The following BCKDHB variants were observed in gnomAD, a reference collection of about 807,000 sequenced individuals.
BCKDHB encodes branched chain keto acid dehydrogenase E1 subunit beta, also known as 2-oxoisovalerate dehydrogenase subunit beta, mitochondrial.
A neutral mutation model predicts 48.5 loss-of-function variants in BCKDHB; 41 were observed. The observed-to-expected ratio is 0.85, with a 90% confidence interval of 0.66 to 1.10. The LOEUF (loss-of-function observed/expected upper bound fraction) is 1.10. BCKDHB is among the 50% of genes least tolerant of loss of function. The probability of loss-of-function intolerance (pLI) is 0.00; values close to 1 mark genes in which losing one functional copy is unlikely to be tolerated. For synonymous variants in BCKDHB, 201 were observed against 174.8 expected (o/e 1.15, Z -1.18); for missense variants, 496 against 494.2 (o/e 1.00, Z -0.03).
At chr6:80,247,343 A>G (rs1470009423) in intron 8 of BCKDHB, among the ~76,000 whole-genome samples, 4 of 152,266 alleles carry the variant, frequency 2.6e-5, no homozygotes, top group Non-Finnish European at 5.9e-5. Context: ...TTTCAAAAAT[A>G]TTATCCTGTT....
At position 80,315,378 on chromosome 6, in the gene BCKDHB, G is replaced by C. The variant is rs116619960; in HGVS notation, c.1039-28286G>C. ...TTCACTGCTTCCCTTAACTGGGGGT[G>C]GGGGTTCCCTTGACTACATGTCACT... On this transcript the variant is annotated intron_variant, in intron 9 of 9. Coordinates refer to ENST00000320393, the MANE Select transcript of BCKDHB (RefSeq NM_183050.4). Among the ~76,000 whole-genome samples, 1,239 of 152,182 alleles carry C rather than the reference G, an allele frequency of 8.1e-3. 21 individuals carry two copies. Among genetic ancestry groups the C allele is most frequent in the African/African-American group, 0.028 (1,169 of 41,522 alleles).
intron 3 of BCKDHB, among the ~76,000 whole-genome samples, chr6:80,161,254 A>G (rs961170586): frequency 4.0e-5 from 6 of 151,830 alleles, no homozygotes; most frequent in Non-Finnish European, 8.8e-5. Context: ...ATTTGGATGA[A>G]TGACTTAAAT....
chr6:80,200,137 G>A (rs555535355), intron 6 of BCKDHB, among the ~76,000 whole-genome samples: 3 of 148,660 alleles, frequency 2.0e-5, no homozygotes, highest in South Asian at 4.3e-4. Context: ...TATCAACTTC[G>A]TACTCAATTT....
At chr6:80,271,952 A>G (rs1444202378) in intron 8 of BCKDHB, among the ~76,000 whole-genome samples, 1 of 151,082 alleles carries the variant, frequency 6.6e-6, no homozygotes, top group Non-Finnish European at 1.5e-5. Flanking sequence ...TTGTCTTTTT[A>G]TATTTTTGTA....
At chr6:80,268,628 C>T (rs642943) in intron 8 of BCKDHB, among the ~76,000 whole-genome samples, 139,438 of 152,130 alleles carry the variant, frequency 0.92, 63,990 homozygotes, top group East Asian at 0.99. Flanking sequence ...ATAAAAAATA[C>T]AGATAGATGA....
intron 9 of BCKDHB, among the ~76,000 whole-genome samples, chr6:80,298,031 C>G (rs1477377626): frequency 1.3e-5 from 2 of 151,810 alleles, no homozygotes; most frequent in Admixed American, 1.3e-4. Context: ...TCAAGGAGTC[C>G]CAGGCTGTTA....
intron 8 of BCKDHB, among the ~76,000 whole-genome samples, chr6:80,266,985 C>A (rs1157124658): frequency 6.6e-6 from 1 of 151,888 alleles, no homozygotes; most frequent in Non-Finnish European, 1.5e-5. Flanking sequence ...ATAGAGACCA[C>A]CACCACCCCC....
intron 1 of BCKDHB, among the ~76,000 whole-genome samples, chr6:80,109,268 A>G (rs912910775): frequency 6.6e-6 from 1 of 152,200 alleles, no homozygotes; most frequent in Non-Finnish European, 1.5e-5. Context: ...TACATAAAAC[A>G]ATGTCTATAA....
At chr6:80,307,474 C>G (rs1320815662) in intron 9 of BCKDHB, 1 of 984,890 alleles carries the variant, frequency 1.0e-6, no homozygotes, top group African/African-American at 1.7e-5. Context: ...TTTTCTATTA[C>G]ATTTTTTTCA....
Position 80,344,076 on chromosome 6 carries a change from C to A in BCKDHB, c.*272C>A. 2.3e-6 allele frequency: 1 copy of A among 442,972 alleles called. No homozygotes were observed. Among genetic ancestry groups the A allele is most frequent in the Non-Finnish European group, 4.2e-6 (1 of 240,032 alleles). 27.4% of individuals were successfully genotyped at this position (442,972 alleles called of 1,614,324 possible). A position where few individuals can be genotyped will look rare whatever the true frequency, so the allele number is the denominator to read the frequency against. On this transcript the variant is annotated 3_prime_UTR_variant, in exon 10 of 10. Transcript: ENST00000320393. ...ACTGCAGTGGTGCAATCTCAGCTCACTGCAACCTCCCCCCTACCCCTGAGT... is the reference window on the plus strand; with the variant it reads ...ACTGCAGTGGTGCAATCTCAGCTCAATGCAACCTCCCCCCTACCCCTGAGT...
At chr6:80,121,761 C>T (rs62406049) in intron 1 of BCKDHB, among the ~76,000 whole-genome samples, 475 of 152,244 alleles carry the variant, frequency 3.1e-3, no homozygotes, top group Non-Finnish European at 5.2e-3. Context: ...TGGGCTGAGA[C>T]GATGGGGTTT....
At chr6:80,109,544 T>C (rs184663010) in intron 1 of BCKDHB, among the ~76,000 whole-genome samples, 82 of 152,334 alleles carry the variant, frequency 5.4e-4, no homozygotes, top group African/African-American at 1.9e-3. Flanking sequence ...GTATTGGATA[T>C]TAATGCTAAA....
intron 9 of BCKDHB, among the ~76,000 whole-genome samples, chr6:80,280,473 A>AACAC (rs971789675): frequency 8.3e-4 from 127 of 152,310 alleles, no homozygotes; most frequent in African/African-American, 2.7e-3. Flanking sequence ...CATTTTGGTC[A>AACAC]ACAATGGACC....
the BCKDHB span, among the ~76,000 whole-genome samples, chr6:80,400,318 T>C: frequency 1.3e-5 from 2 of 151,992 alleles, no homozygotes; most frequent in Non-Finnish European, 2.9e-5. Flanking sequence ...TTGCGTACTA[T>C]GCATCTGACA....
At chr6:80,313,479 G>C (rs184019455) in intron 9 of BCKDHB, among the ~76,000 whole-genome samples, 1 of 152,144 alleles carries the variant, frequency 6.6e-6, no homozygotes, top group African/African-American at 2.4e-5. Context: ...TCCTGCCTCA[G>C]CCTCCCGAGT....
intron 6 of BCKDHB, among the ~76,000 whole-genome samples, chr6:80,186,400 A>G (rs960543384): frequency 8.5e-5 from 13 of 152,152 alleles, no homozygotes; most frequent in African/African-American, 2.7e-4. Context: ...AGCAAGGCCA[A>G]TCTCACTCCT....
At chr6:80,306,365 T>C (rs1767876708) in intron 9 of BCKDHB, among the ~76,000 whole-genome samples, 1 of 152,164 alleles carries the variant, frequency 6.6e-6, no homozygotes, top group South Asian at 2.1e-4. Flanking sequence ...ATTAGGGAGA[T>C]ATTTTTCAAT....
intron 1 of BCKDHB, among the ~76,000 whole-genome samples, chr6:80,107,267 G>C (rs939594337): frequency 1.4e-5 from 2 of 146,090 alleles, no homozygotes; most frequent in African/African-American, 5.0e-5. Flanking sequence ...TGGGCCACTA[G>C]CTTAGGTAGA....
At chr6:80,334,346 A>G (rs538646183) in intron 9 of BCKDHB, among the ~76,000 whole-genome samples, 1 of 152,238 alleles carries the variant, frequency 6.6e-6, no homozygotes, top group Admixed American at 6.5e-5. Flanking sequence ...ATTTTTTCTT[A>G]CTTAGGTCAG....
Sources: allele counts gnomAD v4.1 joint callset (sites outside exome capture counted in the v4.1 genomes callset), GRCh38; gene constraint gnomAD v4.1.1; transcripts MANE v1.5; gene names NCBI Gene and HGNC (gene_info 2026-07-23, HGNC 2026-07-21).